Variants in TMEM131 observed in about 807,000 individuals in gnomAD.
TMEM131 encodes the protein 2610524E03Rik.
TMEM131 carries 66 observed loss-of-function variants against 211.6 expected under a neutral mutation model. The ratio of observed to expected loss-of-function variants is 0.31; its 90% CI spans 0.26 to 0.38. The LOEUF is 0.38. Ranked by LOEUF, TMEM131 falls within the 10% of genes least tolerant of loss-of-function variation. TMEM131 has a pLI of 1.00. For missense variants in TMEM131, 2,036 were observed against 2,299.3 expected (o/e 0.89, Z 2.34); for synonymous variants, 844 against 841.3 (o/e 1.00, Z -0.06).
intron 1 of TMEM131, among the ~76,000 whole-genome samples, chr2:97,942,162 C>T (rs1677761735): frequency 6.6e-6 from 1 of 152,042 alleles, no homozygotes; most frequent in South Asian, 2.1e-4. Flanking sequence ...AGGATGAGTT[C>T]ATGTCCTTTG....
chr2:97,957,239 AT>A (rs1466794744), intron 1 of TMEM131, among the ~76,000 whole-genome samples: 11 of 152,204 alleles, frequency 7.2e-5, no homozygotes, highest in Admixed American at 5.9e-4. Flanking sequence ...AAGCACAATA[AT>A]GTTTACATAA....
intron 11 of TMEM131, among the ~76,000 whole-genome samples, chr2:97,832,026 A>AAAAAAAAG (rs1682723579): frequency 6.6e-6 from 1 of 150,480 alleles, no homozygotes; most frequent in African/African-American, 2.4e-5. Flanking sequence ...AAAAAAAAAA[A>AAAAAAAAG]GCAGCTCTAA....
In TMEM131 at chr2:97,995,547, G is replaced by A. The variant is rs1208834789; in HGVS notation, c.116C>T (p.Ala39Val). 7.5e-7 allele frequency: 1 copy of A among 1,334,292 alleles called. No homozygotes were observed. The allele number at this position is 1,334,292 out of a possible 1,614,324, so 82.7% of individuals were successfully genotyped here. Residue 39 changes from alanine to valine, a missense_variant, in exon 1 of 41, where the codon GCC becomes GTC. Physicochemically the swap from Ala to Val is moderately conservative, Grantham distance 64. Transcript: ENST00000186436. ...GTGCAGCGCGCCTAGGAGGCCGGCG[G>A]CCGCGCTCCGCGGGCCCCCGCTACG... ...AARSGGPRSA[A>V]AGLLGALHLV...
At chr2:97,903,923 A>T (rs1402672428) in intron 3 of TMEM131, among the ~76,000 whole-genome samples, 1 of 152,090 alleles carries the variant, frequency 6.6e-6, no homozygotes, top group African/African-American at 2.4e-5. Context: ...CAGCTTCTCA[A>T]AGTGCTAGGA....
chr2:97,822,426 C>T (rs578253917), intron 11 of TMEM131, among the ~76,000 whole-genome samples: 1 of 152,258 alleles, frequency 6.6e-6, no homozygotes, highest in South Asian at 2.1e-4. Context: ...CCTGGAGATC[C>T]CTTCCCTTGC....
intron 17 of TMEM131, among the ~76,000 whole-genome samples, 165 bp downstream of exon 17, chr2:97,812,256 T>C (rs566654554): frequency 4.6e-5 from 7 of 152,158 alleles, no homozygotes; most frequent in African/African-American, 1.4e-4. Flanking sequence ...ATCATAAAAA[T>C]AGGGGGTTGA....
intron 35 of TMEM131, chr2:97,763,375 C>A (rs1678968058): frequency 6.5e-6 from 1 of 152,938 alleles, no homozygotes; most frequent in Non-Finnish European, 1.5e-5. Context: ...TTCTCTCTCA[C>A]CTTCCCCAGT....
intron 19 of TMEM131, 88 bp from the exon 20 acceptor site, chr2:97,805,791 T>C: frequency 2.5e-6 from 3 of 1,214,866 alleles, no homozygotes; most frequent in South Asian, 1.8e-5. Context: ...AGCATACTTC[T>C]AGGAAACCAA....
At chr2:97,773,115 A>G (rs1221924118) in intron 32 of TMEM131, among the ~76,000 whole-genome samples, 1 of 152,120 alleles carries the variant, frequency 6.6e-6, no homozygotes, top group Non-Finnish European at 1.5e-5. Flanking sequence ...CCAGCCATGC[A>G]CCCCATCCTG....
In TMEM131 at chr2:97,974,459, C is replaced by T. The variant is rs1381994217; in HGVS notation, c.187+21017G>A. Among the ~76,000 whole-genome samples, 4 of 151,162 alleles carry T rather than the reference C, an allele frequency of 2.6e-5. No individual in the cohort carries two copies. In the East Asian group the frequency reaches 5.9e-4, roughly 22 times the overall value. On this transcript the variant is annotated intron_variant, in intron 1 of 40. Transcript: ENST00000186436. ...TTAAAGAAATAGTAAGCAAAAATGT[C>T]CCAAACTTAATGAAAACTATAAATC...
In TMEM131 at chr2:97,941,907, G is replaced by C. The variant is rs574685256; in HGVS notation, c.188-14420C>G. On this transcript the variant is annotated intron_variant, in intron 1 of 40. Transcript: ENST00000186436. ...GTAAACTAGTTCAACCATTGTGGAA[G>C]ACAGTGGGGCGATTCCTCAAGGATC... is the stretch of plus-strand genomic sequence containing the variant. Among the ~76,000 whole-genome samples, 121 of 152,322 alleles carry C rather than the reference G, an allele frequency of 7.9e-4. 2 individuals carry two copies. In the South Asian group the frequency reaches 0.024, roughly 30 times the overall value.
intron 2 of TMEM131, among the ~76,000 whole-genome samples, chr2:97,910,207 T>TA (rs1460312965): frequency 1.4e-5 from 2 of 139,550 alleles, no homozygotes; most frequent in African/African-American, 5.0e-5. Flanking sequence ...GACTACTATT[T>TA]AAAATTTTAA....
At chr2:97,793,626 G>A in intron 29 of TMEM131, 73 bp from the exon 30 acceptor site, 1 of 1,417,674 alleles carries the variant, frequency 7.1e-7, no homozygotes, top group Non-Finnish European at 9.6e-7. Flanking sequence ...CGATGTTAAA[G>A]GCAGAGTTTC....
rs140350668 is a variant in TMEM131, at chr2:97,979,147, A to G, written c.187+16329T>C. Among the ~76,000 whole-genome samples, 70 of 152,358 alleles carry G rather than the reference A, an allele frequency of 4.6e-4. 2 individuals carry two copies. The East Asian group carries it at 9.1e-3, about 20-fold the overall frequency. On this transcript the variant is annotated intron_variant, in intron 1 of 40. Coordinates refer to ENST00000186436, the MANE Select transcript of TMEM131 (RefSeq NM_015348.2). Reference sequence around the variant, plus strand: ...TCTCAACAGTGGGCTTAAAATATTCAGTAAACCACATTATAAACAGATGTG... The same window carrying G: ...TCTCAACAGTGGGCTTAAAATATTCGGTAAACCACATTATAAACAGATGTG...
Position 97,793,445 on chromosome 2 carries a change from C to G in TMEM131, c.3495G>C (p.Val1165=). ...SFEASNPPFD[V]GRPFDLRRIV... Reference sequence around the variant, plus strand: ...TTCTCCTGAGATCAAATGGCCTTCCCACATCGAAGGGCGGGTTCGAGGCCT... The same window carrying G: ...TTCTCCTGAGATCAAATGGCCTTCCGACATCGAAGGGCGGGTTCGAGGCCT... The change falls in exon 30 of 41, where the codon GTG becomes GTC. Residue 1165 remains valine (V), a synonymous_variant. Coordinates refer to ENST00000186436, the MANE Select transcript of TMEM131 (RefSeq NM_015348.2). The G allele has an allele frequency of 6.2e-7, 1 of 1,613,952 alleles. No homozygotes were observed. The highest frequency in any genetic ancestry group is 8.5e-7 in the Non-Finnish European group (1 of 1,179,898).
chr2:97,819,917 T>C (rs572594042), intron 11 of TMEM131, among the ~76,000 whole-genome samples: 13 of 152,340 alleles, frequency 8.5e-5, no homozygotes, highest in African/African-American at 3.1e-4. Context: ...GGCAGTCTCT[T>C]GAAGGTGCGA....
At chr2:97,958,783 GA>G (rs1369561374) in intron 1 of TMEM131, among the ~76,000 whole-genome samples, 3 of 152,230 alleles carry the variant, frequency 2.0e-5, no homozygotes. Context: ...GACAGTACTT[GA>G]ACTTGGGGAA....
At chr2:97,958,221 C>T (rs145197954) in intron 1 of TMEM131, among the ~76,000 whole-genome samples, 68 of 152,284 alleles carry the variant, frequency 4.5e-4, no homozygotes, top group Non-Finnish European at 7.6e-4. Context: ...CCATCCACAC[C>T]AAACCCTGGA....
intron 4 of TMEM131, among the ~76,000 whole-genome samples, chr2:97,884,164 A>G (rs187323247): frequency 3.3e-5 from 5 of 152,242 alleles, no homozygotes; most frequent in African/African-American, 1.2e-4. Flanking sequence ...TTTACCATTT[A>G]ATTTCTTCCT....
Sources: gnomAD v4.1 joint callset for allele counts (sites outside exome capture counted in the v4.1 genomes callset) on GRCh38, gnomAD v4.1.1 for gene constraint, MANE v1.5 for transcripts, NCBI Gene and HGNC (gene_info 2026-07-23, HGNC 2026-07-21) for gene names.